LRBA: variants seen among roughly 807,000 people sequenced by gnomAD.
The protein encoded by LRBA is LPS responsive beige-like anchor protein.
In LRBA, 176 loss-of-function variants were observed where a neutral mutation model predicts 330.0. The ratio of observed to expected loss-of-function variants is 0.53; its 90% CI spans 0.47 to 0.60. The LOEUF (loss-of-function observed/expected upper bound fraction) is 0.60, where lower values mean the gene tolerates loss of function less well. LRBA is among the 20% of genes least tolerant of loss of function. The pLI is 0.00. For missense variants in LRBA, 3,259 were observed against 3,444.8 expected, an observed-to-expected ratio of 0.95 and a Z score of 1.35; for synonymous variants, 1,230 against 1,193.0, an observed-to-expected ratio of 1.03 and a Z score of -0.64.
intron 37 of LRBA, among the ~76,000 whole-genome samples, chr4:150,675,496 A>G (rs1782448552): frequency 6.6e-6 from 1 of 151,994 alleles, no homozygotes; most frequent in South Asian, 2.1e-4. Context: ...AGACAGGTGG[A>G]TCATGAGGTC....
chr4:150,682,739 T>C (rs1160450857), intron 37 of LRBA, among the ~76,000 whole-genome samples: 1 of 152,114 alleles, frequency 6.6e-6, no homozygotes, highest in African/African-American at 2.4e-5. Flanking sequence ...ATACAAGTAA[T>C]TTACTATTTT....
chr4:150,539,764 T>C (rs1765117492), intron 40 of LRBA, among the ~76,000 whole-genome samples: 2 of 152,174 alleles, frequency 1.3e-5, no homozygotes, highest in African/African-American at 2.4e-5. Flanking sequence ...CTGAGATACA[T>C]ATACATCTAG....
chr4:150,840,955 T>A, intron 28 of LRBA: 1 of 1,192,850 alleles, frequency 8.4e-7, no homozygotes, highest in Non-Finnish European at 1.1e-6. Flanking sequence ...AGGCTCAATT[T>A]GAACATATCC....
intron 2 of LRBA, among the ~76,000 whole-genome samples, chr4:150,971,651 TATC>T (rs1319313556): frequency 2.6e-5 from 4 of 152,176 alleles, no homozygotes; most frequent in Non-Finnish European, 2.9e-5. Flanking sequence ...GATAACAAAA[TATC>T]ATTCTCTTTC....
chr4:150,719,531 C>A (rs867748143), intron 36 of LRBA, among the ~76,000 whole-genome samples: 16 of 151,634 alleles, frequency 1.1e-4, no homozygotes, highest in Admixed American at 2.0e-4. Flanking sequence ...AATAATGAAA[C>A]AATGTAAGGA....
At chr4:151,002,424 G>T (rs576349796) in intron 2 of LRBA, among the ~76,000 whole-genome samples, 1 of 151,828 alleles carries the variant, frequency 6.6e-6, no homozygotes, top group Non-Finnish European at 1.5e-5. Context: ...AATTAGCTGT[G>T]TGTGGTGGTG....
At chr4:150,454,624 T>C (rs543448316) in intron 44 of LRBA, among the ~76,000 whole-genome samples, 2 of 152,074 alleles carry the variant, frequency 1.3e-5, no homozygotes, top group African/African-American at 4.8e-5. Flanking sequence ...GGGGTACAAG[T>C]AGCTTTTGGT....
At chr4:150,466,522 C>G (rs543376518) in intron 44 of LRBA, among the ~76,000 whole-genome samples, 69 of 151,982 alleles carry the variant, frequency 4.5e-4, no homozygotes, top group Non-Finnish European at 9.3e-4. Context: ...TATGTATACC[C>G]TTGAAAAAAG....
rs750145271 is a variant in LRBA, at chr4:150,415,512, C to T, written c.7120G>A (p.Gly2374Arg). Reference sequence around the variant, plus strand: ...AGTTCGACATCAGACACTACTGTCCCATCATCCATCACTCCAAGATTATAA... The same window carrying T: ...AGTTCGACATCAGACACTACTGTCCTATCATCCATCACTCCAAGATTATAA... The part of the protein sequence containing the change: ...NNYNLGVMDD[G>R]TVVSDVELPP... Residue 2374 changes from glycine to arginine, a missense_variant, in exon 47 of 57, where the codon GGG becomes AGG. Physicochemically the swap from Gly to Arg is moderately radical, Grantham distance 125. Transcript: ENST00000651943. The T allele has an allele frequency of 6.2e-6, 10 of 1,607,014 alleles. No individual in the cohort carries two copies. The East Asian group carries it at 1.1e-4, about 18-fold the overall frequency.
chr4:150,782,985 A>T (rs764926020), intron 34 of LRBA, among the ~76,000 whole-genome samples: 4 of 152,192 alleles, frequency 2.6e-5, no homozygotes, highest in Non-Finnish European at 5.9e-5. Flanking sequence ...TAATGACTGC[A>T]TTGTGACTGG....
rs1765199085 is a variant in LRBA, at chr4:150,540,465, G to A, written c.6330+47583C>T. ...CTGCCTCAGCCTCTCAAAGTGCTGG[G>A]TATACAGGCATGAGCCACCAGCGCC... On this transcript the variant is annotated intron_variant, in intron 40 of 56. Coordinates refer to ENST00000651943, the MANE Select transcript of LRBA (RefSeq NM_001364905.1). Among the ~76,000 whole-genome samples the A allele has an allele frequency of 2.0e-5, 3 of 152,088 alleles. No individual in the cohort carries two copies. The South Asian group carries it at 6.2e-4, about 32-fold the overall frequency.
chr4:150,489,914 GA>G (rs1758690287), intron 41 of LRBA, among the ~76,000 whole-genome samples: 1 of 150,178 alleles, frequency 6.7e-6, no homozygotes, highest in South Asian at 2.1e-4. Flanking sequence ...AAAGGCAACA[GA>G]AAAACACACA....
chr4:150,492,445 G>A (rs148315442), intron 40 of LRBA, among the ~76,000 whole-genome samples: 2 of 152,034 alleles, frequency 1.3e-5, no homozygotes, highest in Non-Finnish European at 2.9e-5. Context: ...AACAGGAAAC[G>A]AGAGGACAAA....
At chr4:150,381,423 G>A (rs139061857) in intron 47 of LRBA, among the ~76,000 whole-genome samples, 4,161 of 152,154 alleles carry the variant, frequency 0.027, 100 homozygotes, top group Non-Finnish European at 0.039. Flanking sequence ...TGTCTATTCT[G>A]GATATTTTGT....
At chr4:150,970,542 TGTGTGTGTGTGTGTAC>T (rs1415895840) in intron 2 of LRBA, 1 of 41,816 alleles carries the variant, frequency 2.4e-5, no homozygotes, top group African/African-American at 5.8e-5. Flanking sequence ...TGTGTGTGTG[TGTGTGTGTGTGTGTAC>T]ACACACACAC....
chr4:150,682,534 T>C (rs1783143691), intron 37 of LRBA, among the ~76,000 whole-genome samples: 1 of 152,162 alleles, frequency 6.6e-6, no homozygotes, highest in African/African-American at 2.4e-5. Context: ...GTAATAAATA[T>C]CACACGCTAC....
intron 51 of LRBA, among the ~76,000 whole-genome samples, chr4:150,312,607 A>G (rs1041454052): frequency 3.9e-5 from 6 of 152,180 alleles, no homozygotes; most frequent in African/African-American, 1.4e-4. Context: ...TAAGTATCAA[A>G]TCATTCTGCA....
intron 40 of LRBA, among the ~76,000 whole-genome samples, chr4:150,504,656 C>T (rs971226381): frequency 4.6e-5 from 7 of 152,158 alleles, no homozygotes; most frequent in Non-Finnish European, 7.3e-5. Flanking sequence ...ATTGTAAAGA[C>T]CATCAAGGCT....
chr4:150,273,072 T>C (rs192881165), intron 56 of LRBA, among the ~76,000 whole-genome samples: 229 of 152,242 alleles, frequency 1.5e-3, no homozygotes, highest in African/African-American at 5.3e-3. Flanking sequence ...AAAGGTCAGG[T>C]TACCCACAAA....
Sources: allele counts gnomAD v4.1 joint callset (sites outside exome capture counted in the v4.1 genomes callset), GRCh38; gene constraint gnomAD v4.1.1; transcripts MANE v1.5; gene names NCBI Gene and HGNC (gene_info 2026-07-23, HGNC 2026-07-21).